The following TIMELESS variants were observed in gnomAD, a reference collection of about 807,000 sequenced individuals.
TIMELESS encodes protein timeless homolog.
TIMELESS carries 124 observed loss-of-function variants against 164.3 expected under a neutral mutation model. The ratio of observed to expected loss-of-function variants is 0.75; its 90% CI spans 0.65 to 0.88. The LOEUF is 0.88. TIMELESS is among the 40% of genes least tolerant of loss of function. The pLI, the probability that TIMELESS is intolerant of heterozygous loss-of-function variation, is 0.00. For synonymous variants in TIMELESS, 564 were observed against 563.4 expected (o/e 1.00, Z -0.02); for missense variants, 1,422 against 1,491.4 (o/e 0.95, Z 0.77).
chr12:56,446,628 C>G (rs910738417), intron 1 of TIMELESS, among the ~76,000 whole-genome samples: 1 of 152,050 alleles, frequency 6.6e-6, no homozygotes, highest in Non-Finnish European at 1.5e-5. Context: ...GTCAGGACTT[C>G]AAGACCAGCC....
intron 6 of TIMELESS, 72 bp from the exon 7 acceptor site, chr12:56,432,596 T>A (rs759152141): frequency 6.4e-7 from 1 of 1,559,186 alleles, no homozygotes; most frequent in Non-Finnish European, 8.7e-7. Flanking sequence ...GCTCTCCAAC[T>A]CATTCTTTGA....
intron 1 of TIMELESS, among the ~76,000 whole-genome samples, chr12:56,443,190 AG>A (rs35528064): frequency 0.018 from 2,729 of 152,328 alleles, 36 homozygotes; most frequent in Non-Finnish European, 0.03. Context: ...TTCTTCTTGC[AG>A]GGAGCCTATA....
At position 56,433,031 on chromosome 12, in the gene TIMELESS, C is replaced by G; in HGVS notation, c.526G>C (p.Glu176Gln). 6.2e-7 allele frequency: 1 copy of G among 1,612,772 alleles called. No homozygotes were observed. The highest frequency in any genetic ancestry group is 2.2e-5 in the East Asian group (1 of 44,806). The change falls in exon 6 of 29, where the codon GAG becomes CAG. Residue 176 changes from glutamate to glutamine, a missense_variant. Glu to Gln is a conservative substitution (Grantham distance 29, BLOSUM62 2). Coordinates refer to ENST00000553532, the MANE Select transcript of TIMELESS (RefSeq NM_003920.5). ...ILHVPADLDQ[E>Q]KKIDDDASAH... ...AGAACACCCAAGACCCTCACCTTCT[C>G]CTGATCAAGGTCAGCTGGGACATGG...
intron 1 of TIMELESS, among the ~76,000 whole-genome samples, chr12:56,442,016 G>A (rs1868280308): frequency 6.7e-6 from 1 of 149,466 alleles, no homozygotes; most frequent in Admixed American, 6.7e-5. Flanking sequence ...CCAGGGAGGT[G>A]GAGGTTACAG....
At chr12:56,423,965 G>A in intron 15 of TIMELESS, 71 bp from the exon 16 acceptor site, 1 of 1,363,694 alleles carries the variant, frequency 7.3e-7, no homozygotes, top group Non-Finnish European at 1.0e-6. Flanking sequence ...CGAAGTAGAA[G>A]AAGGAATTTA....
Position 56,425,024 on chromosome 12 carries a change from G to A in TIMELESS, c.1707C>T (p.Cys569=). ...VWPALAEQLQ[C]CAQNSELSMD... is the part of the protein sequence containing the mutation. ...TTCTGTAACCACCTACCTGGGCACA[G>A]CACTGTAGCTGCTCAGCCAGGGCTG... Residue 569 remains cysteine (C), a synonymous_variant, in exon 14 of 29, where the codon TGC becomes TGT. Transcript: ENST00000553532. 1.9e-6 allele frequency: 3 copies of A among 1,614,230 alleles called. No homozygotes were observed. The highest frequency in any genetic ancestry group is 2.5e-6 in the Non-Finnish European group (3 of 1,180,036).
At chr12:56,422,825 C>A in intron 19 of TIMELESS, 22 bp downstream of exon 19, 1 of 1,582,298 alleles carries the variant, frequency 6.3e-7, no homozygotes, top group South Asian at 1.1e-5. Flanking sequence ...CCCCACCCAC[C>A]CTTTGCCAAC....
chr12:56,423,017 A>C, intron 18 of TIMELESS, 25 bp from the exon 19 acceptor site: 1 of 1,608,914 alleles, frequency 6.2e-7, no homozygotes, highest in Non-Finnish European at 8.5e-7. Flanking sequence ...GGTTACTATG[A>C]GGCCTCTCTG....
Position 56,428,364 on chromosome 12 carries a change from C to T in TIMELESS, c.1450G>A (p.Ala484Thr), listed in dbSNP as rs142494100. The change falls in exon 13 of 29, where the codon GCA becomes ACA. Residue 484 changes from alanine to threonine, a missense_variant. By Grantham distance (58) the Ala-to-Thr change is moderately conservative (BLOSUM62 0). Transcript: ENST00000553532. ...CTCTCATCAAACTTTCGAAAAAGTG[C>T]CAGGAATAGTTCTCGGTACTCCATC... ...YVMEYRELFL[A>T]LFRKFDERCQ... 5.5e-4 allele frequency: 883 copies of T among 1,612,906 alleles called. 1 individual carries two copies. Among genetic ancestry groups the T allele is most frequent in the Non-Finnish European group, 7.1e-4 (841 of 1,179,104 alleles).
Position 56,421,987 on chromosome 12 carries a change from G to A in TIMELESS, c.2554C>T (p.His852Tyr), listed in dbSNP as rs776832390. 3 of 1,614,138 alleles carry A rather than the reference G, an allele frequency of 1.9e-6. No individual in the cohort carries two copies. Among genetic ancestry groups the A allele is most frequent in the Non-Finnish European group, 2.5e-6 (3 of 1,180,024 alleles). The change falls in exon 21 of 29, where the codon CAC becomes TAC. Residue 852 changes from histidine to tyrosine, a missense_variant. Transcript: ENST00000553532. ...CGTGTTCGAGGAACAGTATTCAGGT[G>A]GGCCAAGATGGCTTCCACCACATCC... ...GQDVVEAILA[H>Y]LNTVPRTRKQ...
chr12:56,417,887 G>C lies in TIMELESS; in HGVS notation c.3556+20C>G. ...CTTCAGGATTAGAGAAGAAAAAGAA[G>C]GTCCCATCAAATTCCCTACCTCTGT... is the stretch of plus-strand genomic sequence containing the variant. On this transcript the variant is annotated intron_variant, in intron 28 of 28. Coordinates refer to ENST00000553532, the MANE Select transcript of TIMELESS (RefSeq NM_003920.5). The C allele has an allele frequency of 6.2e-7, 1 of 1,614,016 alleles. No homozygotes were observed. The highest frequency in any genetic ancestry group is 8.5e-7 in the Non-Finnish European group (1 of 1,179,914).
Position 56,433,427 on chromosome 12 carries a change from T to C in TIMELESS, c.383A>G (p.Lys128Arg), listed in dbSNP as rs771426429. ...QAYKEAFASE[K>R]AFGVLSETLY... Reference sequence around the variant, plus strand: ...GGTTTCACTGAGGACTCCAAAAGCCTTCTCACTGGCAAAGGCCTGTGAAAT... The same window carrying C: ...GGTTTCACTGAGGACTCCAAAAGCCCTCTCACTGGCAAAGGCCTGTGAAAT... The change falls in exon 5 of 29, where the codon AAG (lysine) becomes AGG (arginine). Residue 128 changes from lysine (K) to arginine (R), a missense_variant. By Grantham distance (26) the Lys-to-Arg change is conservative (BLOSUM62 2). Coordinates refer to ENST00000553532, the MANE Select transcript of TIMELESS (RefSeq NM_003920.5). 8 of 1,614,184 alleles carry C rather than the reference T, an allele frequency of 5.0e-6. No homozygotes were observed. Among genetic ancestry groups the C allele is most frequent in the Admixed American group, 3.3e-5 (2 of 60,028 alleles).
chr12:56,423,963 A>C, intron 15 of TIMELESS, 69 bp from the exon 16 acceptor site: 1 of 1,378,726 alleles, frequency 7.3e-7, no homozygotes, highest in East Asian at 2.3e-5. Flanking sequence ...TTCGAAGTAG[A>C]AGAAGGAATT....
At chr12:56,449,082 G>C (rs1349323562) in intron 1 of TIMELESS, among the ~76,000 whole-genome samples, 1 of 152,250 alleles carries the variant, frequency 6.6e-6, no homozygotes, top group South Asian at 2.1e-4. Context: ...CCCAAGCTGT[G>C]CGGAGCAGCG....
rs760889029 is a variant in TIMELESS, at chr12:56,420,626, G to A, written c.3171C>T (p.Asn1057=). The change falls in exon 26 of 29, where the codon AAC becomes AAT. Residue 1057 remains asparagine, a synonymous_variant. Coordinates refer to ENST00000553532, the MANE Select transcript of TIMELESS (RefSeq NM_003920.5). ...LTEENEEAME[N]EQFQQLLRKL... ...TGCGCAACAGCTGCTGAAACTGTTC[G>A]TTTTCCATGGCTTCCTCATTTTCCT... The A allele has an allele frequency of 4.9e-5, 79 of 1,614,132 alleles. No individual in the cohort carries two copies. The highest frequency in any genetic ancestry group is 1.4e-4 in the South Asian group (13 of 91,094).
Position 56,433,531 on chromosome 12 carries a change from T to A in TIMELESS, c.366+7A>T, listed in dbSNP as rs1004736193. The A allele has an allele frequency of 6.2e-7, 1 of 1,614,152 alleles. No homozygotes were observed. The stretch of plus-strand genomic sequence containing the variant: ...TCCACCCCAGGGACTCCAAAGGAAA[T>A]CCTCACCTCTTTGTAGGCCTGCAAA... On this transcript the variant is annotated splice_region_variant and intron_variant, in intron 4 of 28. Coordinates refer to ENST00000553532, the MANE Select transcript of TIMELESS (RefSeq NM_003920.5).
At chr12:56,420,029 A>AAAATATAT (rs1555176447) in intron 26 of TIMELESS, among the ~76,000 whole-genome samples, 11 of 75,180 alleles carry the variant, frequency 1.5e-4, no homozygotes, top group East Asian at 1.0e-3. Context: ...AAAAAAAAAA[A>AAAATATAT]ATATATATAT....
intron 1 of TIMELESS, among the ~76,000 whole-genome samples, chr12:56,437,475 G>A (rs1055165001): frequency 6.6e-6 from 1 of 151,628 alleles, no homozygotes; most frequent in South Asian, 2.1e-4. Context: ...GCACCCAGGA[G>A]TGCAGTGGTA....
chr12:56,449,377 C>T lies in TIMELESS; in HGVS notation c.-129G>A, dbSNP rs1868494586. ...CCTCTGGCGCGGGGCCGCAGCCTTTCCGCCACCAGGCTCAGCTGGACCGGT... is the reference window on the plus strand; with the variant it reads ...CCTCTGGCGCGGGGCCGCAGCCTTTTCGCCACCAGGCTCAGCTGGACCGGT... On this transcript the variant is annotated 5_prime_UTR_variant, in exon 1 of 29. Transcript: ENST00000553532. 1 of 152,286 alleles carries T rather than the reference C, an allele frequency of 6.6e-6. No individual in the cohort carries two copies. Among genetic ancestry groups the T allele is most frequent in the South Asian group, 2.1e-4 (1 of 4,838 alleles). 9.4% of individuals were successfully genotyped at this position (152,286 alleles called of 1,614,324 possible). A position where few individuals can be genotyped will look rare whatever the true frequency, so the allele number is the denominator to read the frequency against.
Sources: gnomAD v4.1 joint callset for allele counts (sites outside exome capture counted in the v4.1 genomes callset) on GRCh38, gnomAD v4.1.1 for gene constraint, MANE v1.5 for transcripts, NCBI Gene and HGNC (gene_info 2026-07-23, HGNC 2026-07-21) for gene names.